Variants in ELOVL5 observed in about 807,000 individuals in gnomAD.
ELOVL5 encodes very long chain fatty acid elongase 5.
In ELOVL5, 8 loss-of-function variants were observed where a neutral mutation model predicts 38.6. That is an observed-to-expected ratio of 0.21 (90% CI 0.12 to 0.37). The LOEUF is 0.37. Among genes scored for constraint, ELOVL5 ranks in the 10% least tolerant of loss-of-function variants. The pLI, the probability that ELOVL5 is intolerant of heterozygous loss-of-function variation, is 1.00. For missense variants in ELOVL5, 280 were observed against 367.8 expected, an observed-to-expected ratio of 0.76 and a Z score of 1.95; for synonymous variants, 127 against 133.7, an observed-to-expected ratio of 0.95 and a Z score of 0.34.
intron 1 of ELOVL5, among the ~76,000 whole-genome samples, chr6:53,344,322 T>C (rs9382199): frequency 0.36 from 55,430 of 151,962 alleles, 11,272 homozygotes; most frequent in African/African-American, 0.56. Flanking sequence ...GGACACAGTC[T>C]CTCACAATTA....
intron 2 of ELOVL5, among the ~76,000 whole-genome samples, chr6:53,295,180 A>C (rs1766943175): frequency 6.6e-6 from 1 of 152,246 alleles, no homozygotes; most frequent in African/African-American, 2.4e-5. Flanking sequence ...AGGCAATATG[A>C]AGCTGATTTA....
intron 1 of ELOVL5, among the ~76,000 whole-genome samples, chr6:53,348,485 G>A (rs940370677): frequency 1.3e-5 from 2 of 152,112 alleles, no homozygotes; most frequent in African/African-American, 4.8e-5. Context: ...TGTGGGCACG[G>A]TGTCGTGCCC....
intron 1 of ELOVL5, among the ~76,000 whole-genome samples, chr6:53,337,700 T>C (rs1769134629): frequency 6.6e-6 from 1 of 152,210 alleles, no homozygotes; most frequent in Admixed American, 6.5e-5. Context: ...GCAGACACTA[T>C]GCAAAGCACT....
At chr6:53,335,500 C>T (rs1185419516) in intron 1 of ELOVL5, among the ~76,000 whole-genome samples, 1 of 152,160 alleles carries the variant, frequency 6.6e-6, no homozygotes, top group Non-Finnish European at 1.5e-5. Context: ...CATCCCCTCC[C>T]CCACCCCACC....
intron 3 of ELOVL5, among the ~76,000 whole-genome samples, chr6:53,283,427 C>T (rs1205321622): frequency 1.3e-5 from 2 of 152,182 alleles, no homozygotes; most frequent in Non-Finnish European, 2.9e-5. Context: ...CAATAATTAT[C>T]CCAGAGGCAT....
chr6:53,306,387 A>AGGG (rs1561879086), intron 1 of ELOVL5, among the ~76,000 whole-genome samples: 1 of 12,322 alleles, frequency 8.1e-5, no homozygotes, highest in African/African-American at 2.1e-3. Flanking sequence ...GAGGGGAGAG[A>AGGG]GAGAGGGGAG....
intron 1 of ELOVL5, among the ~76,000 whole-genome samples, chr6:53,322,090 A>T (rs2127587715): frequency 6.6e-6 from 1 of 152,356 alleles, no homozygotes; most frequent in Middle Eastern, 3.4e-3. Flanking sequence ...CCTTGAGAAC[A>T]AGTATGGATT....
rs888635288 is a variant in ELOVL5, at chr6:53,294,198, C to T, written c.58+1444G>A. 6.1e-6 allele frequency: 9 copies of T among 1,471,904 alleles called. No individual in the cohort carries two copies. In the African/African-American group the frequency reaches 1.1e-4, roughly 19 times the overall value. 91.2% of individuals were successfully genotyped at this position (1,471,904 alleles called of 1,614,324 possible). On this transcript the variant is annotated intron_variant, in intron 2 of 7. Coordinates refer to ENST00000304434, the MANE Select transcript of ELOVL5 (RefSeq NM_021814.5). ...CCCACACCGCACAGTGCTTCCCGGGCACCTGACCCGAACTCCAGCCCCAGG... is the reference window on the plus strand; with the variant it reads ...CCCACACCGCACAGTGCTTCCCGGGTACCTGACCCGAACTCCAGCCCCAGG...
At chr6:53,317,034 T>C (rs1768073796) in intron 1 of ELOVL5, among the ~76,000 whole-genome samples, 1 of 152,152 alleles carries the variant, frequency 6.6e-6, no homozygotes, top group Admixed American at 6.5e-5. Flanking sequence ...GTTCATAGTA[T>C]TAAATGTAAG....
intron 1 of ELOVL5, among the ~76,000 whole-genome samples, chr6:53,334,490 G>A (rs916581335): frequency 6.6e-6 from 1 of 151,524 alleles, no homozygotes; most frequent in Non-Finnish European, 1.5e-5. Context: ...AATTCAAATT[G>A]CAGCAAAAAT....
intron 3 of ELOVL5, among the ~76,000 whole-genome samples, chr6:53,291,124 G>C (rs929640359): frequency 3.3e-5 from 5 of 152,168 alleles, no homozygotes; most frequent in African/African-American, 7.2e-5. Flanking sequence ...GAGAAGAGAA[G>C]GGTTGATTCT....
chr6:53,296,979 A>C (rs919883651), intron 1 of ELOVL5, among the ~76,000 whole-genome samples: 2 of 152,240 alleles, frequency 1.3e-5, no homozygotes, highest in Non-Finnish European at 2.9e-5. Flanking sequence ...TGGTTGTAGT[A>C]GTTACAATTA....
intron 1 of ELOVL5, among the ~76,000 whole-genome samples, chr6:53,308,295 T>G (rs941955936): frequency 4.6e-5 from 7 of 152,244 alleles, no homozygotes; most frequent in Admixed American, 6.5e-5. Flanking sequence ...ATTTTTTAAG[T>G]GCTGTGATTA....
At position 53,305,045 on chromosome 6, in the gene ELOVL5, G is replaced by A. The variant is rs551772794; in HGVS notation, c.-8-9338C>T. Among the ~76,000 whole-genome samples, 546 of 149,398 alleles carry A rather than the reference G, an allele frequency of 3.7e-3. 2 individuals carry two copies. Among genetic ancestry groups the A allele is most frequent in the African/African-American group, 0.013 (512 of 40,088 alleles). ...CACCTCCCGGACGGGGCGGCTGGCC[G>A]GGCGGGGGGCTGACCCCCCCCACCT... On this transcript the variant is annotated intron_variant, in intron 1 of 7. Transcript: ENST00000304434.
At chr6:53,327,519 CA>C (rs1337090812) in intron 1 of ELOVL5, among the ~76,000 whole-genome samples, 1 of 151,206 alleles carries the variant, frequency 6.6e-6, no homozygotes, top group Non-Finnish European at 1.5e-5. Context: ...GGGTGGTTGT[CA>C]GGGGCTCAGG....
chr6:53,306,048 A>G (rs890458256), intron 1 of ELOVL5, among the ~76,000 whole-genome samples: 2 of 151,368 alleles, frequency 1.3e-5, no homozygotes, highest in Non-Finnish European at 2.9e-5. Flanking sequence ...CCAAAAAAAT[A>G]AGAAAACCAG....
intron 3 of ELOVL5, among the ~76,000 whole-genome samples, chr6:53,284,754 T>C (rs894166428): frequency 2.6e-5 from 4 of 152,116 alleles, no homozygotes; most frequent in Non-Finnish European, 5.9e-5. Context: ...CACATTTTTG[T>C]AATTCTCACA....
chr6:53,340,694 A>AT (rs1276892769), intron 1 of ELOVL5, among the ~76,000 whole-genome samples: 3 of 152,232 alleles, frequency 2.0e-5, no homozygotes, highest in African/African-American at 7.2e-5. Flanking sequence ...GCAATGTGGT[A>AT]TATCATATGC....
At chr6:53,286,607 C>T (rs1766580195) in intron 3 of ELOVL5, among the ~76,000 whole-genome samples, 1 of 151,998 alleles carries the variant, frequency 6.6e-6, no homozygotes, top group African/African-American at 2.4e-5. Context: ...CATACATATC[C>T]ATCCAAAGAA....
Sources: gnomAD v4.1 joint callset for allele counts (sites outside exome capture counted in the v4.1 genomes callset) on GRCh38, gnomAD v4.1.1 for gene constraint, MANE v1.5 for transcripts, NCBI Gene and HGNC (gene_info 2026-07-23, HGNC 2026-07-21) for gene names.